SLC6A6: variants seen among roughly 807,000 people sequenced by gnomAD.
SLC6A6 encodes sodium- and chloride-dependent taurine transporter.
In SLC6A6, 16 loss-of-function variants were observed where a neutral mutation model predicts 68.8. The ratio of observed to expected loss-of-function variants is 0.23; its 90% CI spans 0.16 to 0.35. The LOEUF (loss-of-function observed/expected upper bound fraction) is 0.35. Ranked by LOEUF, SLC6A6 falls within the 10% of genes least tolerant of loss-of-function variation. SLC6A6 has a pLI of 1.00. For missense variants in SLC6A6, 474 were observed against 802.8 expected (o/e 0.59, Z 4.95); for synonymous variants, 312 against 315.4 (o/e 0.99, Z 0.12).
chr3:14,481,121 C>T lies in SLC6A6; in HGVS notation c.1552-550C>T, dbSNP rs1044248223. 6.6e-6 allele frequency among the ~76,000 whole-genome samples: 1 copy of T among 152,240 alleles called. No homozygotes were observed. The highest frequency in any genetic ancestry group is 1.5e-5 in the Non-Finnish European group (1 of 68,048). ...AGGACAAGACACACACATTCCTACT[C>T]TCAGACTCACAGTCTGGCAGAACAC... On this transcript the variant is annotated intron_variant, in intron 13 of 14. Coordinates refer to ENST00000622186, the MANE Select transcript of SLC6A6 (RefSeq NM_003043.6). The surrounding 1 kb of genome is among the most constrained non-coding windows in gnomAD (Gnocchi z 4.7).
At chr3:14,441,420 G>C (rs538624681) in intron 2 of SLC6A6, among the ~76,000 whole-genome samples, 5 of 152,132 alleles carry the variant, frequency 3.3e-5, no homozygotes, top group African/African-American at 4.8e-5. Context: ...TTGGCCTGTC[G>C]AATCCCGCGC....
At chr3:14,484,758 C>A in intron 14 of SLC6A6, 109 bp from the exon 15 acceptor site, 2 of 1,179,304 alleles carry the variant, frequency 1.7e-6, no homozygotes, top group Admixed American at 2.1e-5. Context: ...GTGAGTTTAC[C>A]AAAAACCAAA....
At chr3:14,447,221 T>TATCCATCCATCCATCCATCCATCC (rs3836358) in intron 4 of SLC6A6, among the ~76,000 whole-genome samples, 1 of 149,352 alleles carries the variant, frequency 6.7e-6, no homozygotes, top group Admixed American at 6.7e-5. Flanking sequence ...TCTATTCAGC[T>TATCCATCCATCCATCCATCCATCC]ATCCATCCAT....
intron 1 of SLC6A6, among the ~76,000 whole-genome samples, chr3:14,403,367 G>A (rs1699032296): frequency 6.6e-6 from 1 of 152,150 alleles, no homozygotes; most frequent in Admixed American, 6.5e-5. Context: ...ATGAATCTGT[G>A]TGTGGGGGGC....
chr3:14,462,821 G>A (rs1700526627), intron 6 of SLC6A6, among the ~76,000 whole-genome samples: 1 of 152,166 alleles, frequency 6.6e-6, no homozygotes. Flanking sequence ...TTTTCCATAG[G>A]GTAGGGTGTG....
At chr3:14,415,500 C>T (rs1396165798) in intron 1 of SLC6A6, among the ~76,000 whole-genome samples, 5 of 151,390 alleles carry the variant, frequency 3.3e-5, no homozygotes, top group Admixed American at 2.6e-4. Flanking sequence ...CCCCCTGAGA[C>T]ACCCACTGCC....
At chr3:14,476,866 G>A (rs1487674695) in intron 10 of SLC6A6, among the ~76,000 whole-genome samples, 1 of 152,254 alleles carries the variant, frequency 6.6e-6, no homozygotes, top group South Asian at 2.1e-4. Context: ...CTTCAGAGGC[G>A]CAGTTGTTCT....
intron 4 of SLC6A6, 40 bp from the exon 5 acceptor site, chr3:14,447,542 T>TCC (rs1254375133): frequency 5.0e-6 from 8 of 1,609,298 alleles, no homozygotes; most frequent in Non-Finnish European, 6.8e-6. Context: ...GGGTCTGGCC[T>TCC]CCCTCAGATG....
chr3:14,454,093 G>A (rs190068976), intron 5 of SLC6A6, among the ~76,000 whole-genome samples: 125 of 152,344 alleles, frequency 8.2e-4, no homozygotes, highest in African/African-American at 3.0e-3. Flanking sequence ...TGAATGGCAG[G>A]GTCAGAAGGG....
intron 2 of SLC6A6, among the ~76,000 whole-genome samples, chr3:14,416,882 C>T (rs530523990): frequency 5.2e-4 from 79 of 152,362 alleles, no homozygotes; most frequent in African/African-American, 1.7e-3. Flanking sequence ...CACACTCTGT[C>T]GCCTACGCTG....
chr3:14,433,998 G>T (rs902213644), intron 2 of SLC6A6, among the ~76,000 whole-genome samples: 6 of 152,078 alleles, frequency 3.9e-5, no homozygotes, highest in Non-Finnish European at 8.8e-5. Context: ...CTCTGGCCTT[G>T]GGGGCCCCGT....
chr3:14,448,519 C>T (rs561450320), intron 5 of SLC6A6, among the ~76,000 whole-genome samples: 108 of 152,268 alleles, frequency 7.1e-4, no homozygotes, highest in African/African-American at 2.5e-3. Context: ...GGCTTGTCAC[C>T]GGCCACTAAG....
At chr3:14,464,406 C>A (rs6808613) in intron 6 of SLC6A6, among the ~76,000 whole-genome samples, 78,946 of 152,042 alleles carry the variant, frequency 0.52, 21,894 homozygotes, top group African/African-American at 0.72. Flanking sequence ...GATAGTAATA[C>A]AACTTACCTC....
At chr3:14,432,149 G>C (rs1002262102) in intron 2 of SLC6A6, among the ~76,000 whole-genome samples, 7 of 152,196 alleles carry the variant, frequency 4.6e-5, no homozygotes, top group Non-Finnish European at 1.0e-4. Context: ...GCAAGGGAGG[G>C]GCTGCCCTCT....
chr3:14,479,028 G>C (rs967266791), intron 12 of SLC6A6, 57 bp from the exon 13 acceptor site: 2 of 1,111,828 alleles, frequency 1.8e-6, no homozygotes, highest in Admixed American at 3.4e-5. Flanking sequence ...CATGGCCCCT[G>C]AGCTGCTGCT....
Position 14,487,716 on chromosome 3 carries a change from A to C in SLC6A6, c.*2709A>C, listed in dbSNP as rs13314641. The C allele has an allele frequency of 0.029, 4,463 of 152,314 alleles. 234 individuals carry two copies. The highest frequency in any genetic ancestry group is 0.1 in the African/African-American group (4,226 of 41,540). 9.4% of individuals were successfully genotyped at this position (152,314 alleles called of 1,614,324 possible). ...AAGGGCCTCCAGGGTCCCCTAACCCAACGCCCTTGTTGTAAATGAGGTAAC... is the reference window on the plus strand; with the variant it reads ...AAGGGCCTCCAGGGTCCCCTAACCCCACGCCCTTGTTGTAAATGAGGTAAC... On this transcript the variant is annotated 3_prime_UTR_variant, in exon 15 of 15. Transcript: ENST00000622186.
chr3:14,405,114 A>G (rs969176775), intron 1 of SLC6A6, among the ~76,000 whole-genome samples: 8 of 152,204 alleles, frequency 5.3e-5, no homozygotes, highest in Non-Finnish European at 1.2e-4. Context: ...GGTCACTGAT[A>G]TCCTCGGGAG....
At chr3:14,474,515 ACT>A (rs950658197) in intron 10 of SLC6A6, among the ~76,000 whole-genome samples, 29 of 152,038 alleles carry the variant, frequency 1.9e-4, no homozygotes, top group African/African-American at 6.8e-4. Context: ...CCCATTCAAC[ACT>A]GACTCCTAAC....
chr3:14,475,635 G>A (rs1180537780), intron 10 of SLC6A6, among the ~76,000 whole-genome samples: 1 of 152,176 alleles, frequency 6.6e-6, no homozygotes, highest in Admixed American at 6.5e-5. Flanking sequence ...AGAAATGGGG[G>A]TTTGTGCTGG....
Sources: gnomAD v4.1 joint callset for allele counts (sites outside exome capture counted in the v4.1 genomes callset) on GRCh38, gnomAD v4.1.1 for gene constraint, Gnocchi (gnomAD v3.1) non-coding constraint, MANE v1.5 for transcripts, NCBI Gene and HGNC (gene_info 2026-07-23, HGNC 2026-07-21) for gene names.